OSBP: variants seen among roughly 807,000 people sequenced by gnomAD.
The protein encoded by OSBP is oxysterol-binding protein 1.
A neutral mutation model predicts 96.6 loss-of-function variants in OSBP; 32 were observed. The observed-to-expected ratio is 0.33, with a 90% CI of 0.25 to 0.45. The LOEUF (loss-of-function observed/expected upper bound fraction) is 0.45, where lower values mean the gene tolerates loss of function less well. Ranked by LOEUF, OSBP falls within the 20% of genes least tolerant of loss-of-function variation. The pLI is 1.00. For synonymous variants in OSBP, 369 were observed against 389.6 expected (o/e 0.95, Z 0.62); for missense variants, 653 against 1,029.7 (o/e 0.63, Z 5.01).
At chr11:59,580,300 G>C in intron 10 of OSBP, 31 bp from the exon 11 acceptor site, 1 of 1,378,116 alleles carries the variant, frequency 7.3e-7, no homozygotes, top group Non-Finnish European at 1.0e-6. Flanking sequence ...GTTTTATTAA[G>C]ACTGGATAAA....
chr11:59,610,120 C>G (rs1216258920), intron 2 of OSBP, among the ~76,000 whole-genome samples: 1 of 152,170 alleles, frequency 6.6e-6, no homozygotes, highest in African/African-American at 2.4e-5. Flanking sequence ...GGCCTCTACT[C>G]TCTAGATGCC....
chr11:59,590,178 TCA>T (rs1198904194), intron 9 of OSBP, among the ~76,000 whole-genome samples: 1 of 152,212 alleles, frequency 6.6e-6, no homozygotes, highest in Non-Finnish European at 1.5e-5. Context: ...TAGATTTTCT[TCA>T]GTCATGGCTA....
At chr11:59,597,411 C>A (rs1372383481) in intron 7 of OSBP, among the ~76,000 whole-genome samples, 3 of 152,120 alleles carry the variant, frequency 2.0e-5, no homozygotes, top group African/African-American at 7.2e-5. Flanking sequence ...CCTTTCCAGT[C>A]CACTTTCCCA....
chr11:59,578,340 T>C lies in OSBP; in HGVS notation c.1879-10A>G. On this transcript the variant is annotated splice_polypyrimidine_tract_variant and intron_variant, in intron 11 of 13. Transcript: ENST00000263847. ...TCACTTCCCCCGTCACCTGCAAGGG[T>C]GGAGAACAGGGCTTGGCTATATAGA... 6.2e-7 allele frequency: 1 copy of C among 1,613,152 alleles called. No homozygotes were observed. Among genetic ancestry groups the C allele is most frequent in the Non-Finnish European group, 8.5e-7 (1 of 1,179,336 alleles).
rs1860909344 is a variant in OSBP at position 59,615,329 on chromosome 11, C to T, written c.336G>A (p.Leu112=). Reference sequence around the variant, plus strand: ...TGTAGTAGCTCAGGAGCCCGTTGCTCAGCACGAACCATCGCCGCTGGTAGC... The same window carrying T: ...TGTAGTAGCTCAGGAGCCCGTTGCTTAGCACGAACCATCGCCGCTGGTAGC... The part of the protein sequence containing the change: ...IKGYQRRWFV[L]SNGLLSYYRS... The change falls in exon 1 of 14, where the codon CTG becomes CTA. Residue 112 remains leucine, a synonymous_variant. Coordinates refer to ENST00000263847, the MANE Select transcript of OSBP (RefSeq NM_002556.3). 6.2e-7 allele frequency: 1 copy of T among 1,606,202 alleles called. No individual in the cohort carries two copies.
intron 3 of OSBP, among the ~76,000 whole-genome samples, chr11:59,602,357 T>C (rs1860734364): frequency 6.6e-6 from 1 of 152,174 alleles, no homozygotes; most frequent in South Asian, 2.1e-4. Flanking sequence ...CAACTGACCT[T>C]AAAAATTAGG....
chr11:59,612,779 T>C (rs868705080), intron 1 of OSBP, among the ~76,000 whole-genome samples: 3 of 152,182 alleles, frequency 2.0e-5, no homozygotes, highest in African/African-American at 7.2e-5. Flanking sequence ...AAATAGTAAT[T>C]CAATCTCTAG....
In OSBP at chr11:59,593,664, G is replaced by A. The variant is rs1565117241; in HGVS notation, c.1618C>T (p.Arg540Cys). ...HAESKNGWTL[R>C]QEIKITSKFR... ...TTGCTGGTGATTTTGATTTCCTGACGCAATGTCCAGCCATTTTTGGACTCA... is the reference window on the plus strand; with the variant it reads ...TTGCTGGTGATTTTGATTTCCTGACACAATGTCCAGCCATTTTTGGACTCA... The change falls in exon 9 of 14, where the codon CGT becomes TGT. Residue 540 changes from arginine (R) to cysteine (C), a missense_variant. Coordinates refer to ENST00000263847, the MANE Select transcript of OSBP (RefSeq NM_002556.3). 5.0e-6 allele frequency: 8 copies of A among 1,613,874 alleles called. No individual in the cohort carries two copies. Among genetic ancestry groups the A allele is most frequent in the Non-Finnish European group, 6.8e-6 (8 of 1,179,792 alleles).
chr11:59,592,068 T>G (rs565855040), intron 9 of OSBP, among the ~76,000 whole-genome samples: 36 of 152,308 alleles, frequency 2.4e-4, no homozygotes, highest in Non-Finnish European at 4.4e-4. Flanking sequence ...TTCTCTATGG[T>G]GAAACATCAC....
intron 9 of OSBP, among the ~76,000 whole-genome samples, chr11:59,592,181 G>A (rs1860592547): frequency 6.6e-6 from 1 of 152,188 alleles, no homozygotes; most frequent in African/African-American, 2.4e-5. Flanking sequence ...TAGCTGCAAA[G>A]ACAATTAAGC....
At chr11:59,606,925 G>T (rs1482400975) in intron 3 of OSBP, among the ~76,000 whole-genome samples, 2 of 152,134 alleles carry the variant, frequency 1.3e-5, no homozygotes, top group Admixed American at 6.5e-5. Flanking sequence ...AATGAAAACA[G>T]AACTCATCTC....
chr11:59,606,951 C>T (rs1479354870), intron 3 of OSBP, among the ~76,000 whole-genome samples: 2 of 152,178 alleles, frequency 1.3e-5, no homozygotes, highest in Non-Finnish European at 2.9e-5. Context: ...TCCAAGAGAT[C>T]ATTCCCTTTA....
chr11:59,595,935 CTCTG>C (rs1470059769), intron 7 of OSBP, among the ~76,000 whole-genome samples: 1 of 146,580 alleles, frequency 6.8e-6, no homozygotes, highest in African/African-American at 2.5e-5. Context: ...CAGAGCGAGA[CTCTG>C]TCTAAAAATA....
intron 3 of OSBP, among the ~76,000 whole-genome samples, chr11:59,603,724 G>C (rs555409372): frequency 5.9e-5 from 9 of 151,888 alleles, no homozygotes; most frequent in African/African-American, 2.2e-4. Flanking sequence ...TAATATAGAG[G>C]TGGGATTCTG....
chr11:59,614,999 G>A (rs1860903735), intron 1 of OSBP, among the ~76,000 whole-genome samples: 1 of 152,222 alleles, frequency 6.6e-6, no homozygotes, highest in South Asian at 2.1e-4. Context: ...TTGCACCCAT[G>A]TGCTGGTGGA....
chr11:59,589,056 A>G (rs1860540753), intron 9 of OSBP, among the ~76,000 whole-genome samples: 1 of 152,078 alleles, frequency 6.6e-6, no homozygotes. Context: ...AAAAATTGGA[A>G]AAAGGACAAA....
chr11:59,611,337 A>T (rs1860845058), intron 1 of OSBP, among the ~76,000 whole-genome samples: 1 of 152,156 alleles, frequency 6.6e-6, no homozygotes, highest in South Asian at 2.1e-4. Context: ...GCCCTTTTGC[A>T]GTCAGGAATT....
Position 59,615,339 on chromosome 11 carries a change from C to T in OSBP, c.326G>A (p.Trp109Ter). The part of the protein sequence containing the change: ...TNYIKGYQRR[W>*]FVLSNGLLSY... ...CAGGAGCCCGTTGCTCAGCACGAACCATCGCCGCTGGTAGCCTTTGATATA... is the reference window on the plus strand; with the variant it reads ...CAGGAGCCCGTTGCTCAGCACGAACTATCGCCGCTGGTAGCCTTTGATATA... Residue 109 changes from tryptophan (W) to a stop codon, truncating the protein, a stop_gained, in exon 1 of 14, where the codon TGG becomes TAG. Transcript: ENST00000263847. LOFTEE classifies it high-confidence loss of function. 1 of 1,607,740 alleles carries T rather than the reference C, an allele frequency of 6.2e-7. No individual in the cohort carries two copies. Among genetic ancestry groups the T allele is most frequent in the Non-Finnish European group, 8.5e-7 (1 of 1,176,306 alleles).
At position 59,590,237 on chromosome 11, in the gene OSBP, T is replaced by C. The variant is rs538058414; in HGVS notation, c.1678+3367A>G. ...AACAGAACCACAATTTTGTACAAAG[T>C]TGTCCTGCTACCAAATAACCTTAAA... On this transcript the variant is annotated intron_variant, in intron 9 of 13. Transcript: ENST00000263847. 2.0e-4 allele frequency among the ~76,000 whole-genome samples: 31 copies of C among 152,340 alleles called. No individual in the cohort carries two copies. In the South Asian group the frequency reaches 6.2e-3, roughly 31 times the overall value.
Sources: gnomAD v4.1 joint callset for allele counts (sites outside exome capture counted in the v4.1 genomes callset) on GRCh38, gnomAD v4.1.1 for gene constraint, MANE v1.5 for transcripts, NCBI Gene and HGNC (gene_info 2026-07-23, HGNC 2026-07-21) for gene names.